A2M: variants seen among roughly 807,000 people sequenced by gnomAD.
The protein encoded by A2M is C3 and PZP-like alpha-2-macroglobulin domain-containing protein 5.
In A2M, 128 loss-of-function variants were observed where a neutral mutation model predicts 183.9. That is an observed-to-expected ratio of 0.70 (90% CI 0.60 to 0.81). A2M has a LOEUF of 0.81. Among genes scored for constraint, A2M ranks in the 30% least tolerant of loss-of-function variants. The pLI is 0.00. For synonymous variants in A2M, 592 were observed against 670.8 expected, an observed-to-expected ratio of 0.88 and a Z score of 1.81; for missense variants, 1,495 against 1,787.6, an observed-to-expected ratio of 0.84 and a Z score of 2.95.
In A2M at chr12:9,091,435, G is replaced by T; in HGVS notation, c.2241-6C>A. ...CCTCAGCCACACCTGCTGAGCTGGA[G>T]AGGAGTGTAAGTGAAGAACAGAAAG... On this transcript the variant is annotated splice_polypyrimidine_tract_variant and splice_region_variant and intron_variant, in intron 18 of 35. Coordinates refer to ENST00000318602, the MANE Select transcript of A2M (RefSeq NM_000014.6). 1 of 1,614,026 alleles carries T rather than the reference G, an allele frequency of 6.2e-7. No homozygotes were observed. The highest frequency in any genetic ancestry group is 8.5e-7 in the Non-Finnish European group (1 of 1,179,910).
Position 9,098,678 on chromosome 12 carries a change from C to T in A2M, c.1780G>A (p.Val594Ile), listed in dbSNP as rs373288303. The T allele has an allele frequency of 7.4e-6, 12 of 1,611,528 alleles. No homozygotes were observed. Among genetic ancestry groups the T allele is most frequent in the African/African-American group, 4.0e-5 (3 of 74,874 alleles). Reference sequence around the variant, plus strand: ...TGGTCCACAGCACGGAGGGCGCAGACGGACTGAGGAGCCGCTGTGACTCGC... The same window carrying T: ...TGGTCCACAGCACGGAGGGCGCAGATGGACTGAGGAGCCGCTGTGACTCGC... ...HLRVTAAPQS[V>I]CALRAVDQSV... Residue 594 changes from valine (V) to isoleucine (I), a missense_variant, in exon 15 of 36, where the codon GTC becomes ATC. Coordinates refer to ENST00000318602, the MANE Select transcript of A2M (RefSeq NM_000014.6).
intron 13 of A2M, 63 bp downstream of exon 13, chr12:9,101,081 C>A (rs970532433): frequency 1.4e-6 from 2 of 1,436,940 alleles, no homozygotes; most frequent in African/African-American, 2.8e-5. Flanking sequence ...TCTGATACTT[C>A]CGTGGTGTAA....
chr12:9,092,409 C>T (rs226409), intron 18 of A2M, among the ~76,000 whole-genome samples: 9,585 of 152,010 alleles, frequency 0.063, 1,004 homozygotes, highest in African/African-American at 0.22. Flanking sequence ...AGTGGCTACC[C>T]GCCCCCACCA....
chr12:9,089,210 A>G lies in A2M; in HGVS notation c.2760T>C (p.Leu920=). Residue 920 remains leucine (L), a synonymous_variant, in exon 22 of 36, where the codon CTT becomes CTC. Coordinates refer to ENST00000318602, the MANE Select transcript of A2M (RefSeq NM_000014.6). ...ATGGTTGACTCTTACCTGATGGACA[A>G]AGTAGGGAGTTGAATGTTGTTTCCT... is the stretch of plus-strand genomic sequence containing the variant. ...LEKETTFNSL[L]CPSGGEVSEE... is the part of the protein sequence containing the mutation. 1 of 1,588,980 alleles carries G rather than the reference A, an allele frequency of 6.3e-7. No homozygotes were observed. Among genetic ancestry groups the G allele is most frequent in the Non-Finnish European group, 8.6e-7 (1 of 1,165,504 alleles).
At chr12:9,093,249 T>G (rs113813656) in intron 18 of A2M, among the ~76,000 whole-genome samples, 1 of 151,942 alleles carries the variant, frequency 6.6e-6, no homozygotes, top group Non-Finnish European at 1.5e-5. Flanking sequence ...GTGCTTGCTA[T>G]GCACACAAAA....
intron 6 of A2M, among the ~76,000 whole-genome samples, 162 bp downstream of exon 6, chr12:9,109,705 A>C (rs1938578336): frequency 6.6e-6 from 1 of 152,186 alleles, no homozygotes; most frequent in African/African-American, 2.4e-5. Context: ...AGTCCTATTC[A>C]CAGATCACTG....
chr12:9,107,677 C>T lies in A2M; in HGVS notation c.759-33G>A. On this transcript the variant is annotated intron_variant, in intron 7 of 35. Coordinates refer to ENST00000318602, the MANE Select transcript of A2M (RefSeq NM_000014.6). ...GAGAACATTCCCAAAGGAATCAGAG[C>T]AGACACTGAACCTCCCCATTTTCTA... is the stretch of plus-strand genomic sequence containing the variant. 4 of 1,609,942 alleles carry T rather than the reference C, an allele frequency of 2.5e-6. No homozygotes were observed. The Admixed American group carries it at 6.7e-5, about 27-fold the overall frequency.
At position 9,113,492 on chromosome 12, in the gene A2M, C is replaced by T. The variant is rs1427144786; in HGVS notation, c.138G>A (p.Lys46=). The change falls in exon 2 of 36, where the codon AAG becomes AAA. Residue 46 remains lysine (K), a synonymous_variant. Transcript: ENST00000318602. ...PSLLHTETTE[K]GCVLLSYLNE... is the part of the protein sequence containing the mutation. ...TCAGGTAGCTCAGAAGGACACAGCC[C>T]TTCTCAGTGGTCTCAGTGTGGAGCA... The T allele has an allele frequency of 6.2e-7, 1 of 1,613,924 alleles. No homozygotes were observed. Among genetic ancestry groups the T allele is most frequent in the South Asian group, 1.1e-5 (1 of 91,046 alleles).
chr12:9,100,897 AG>A (rs1430358519), intron 13 of A2M, among the ~76,000 whole-genome samples: 1 of 152,104 alleles, frequency 6.6e-6, no homozygotes, highest in East Asian at 1.9e-4. Flanking sequence ...TTGTGGATTC[AG>A]GGGGAAGGGT....
Position 9,068,832 on chromosome 12 carries a change from T to A in A2M, c.4274A>T (p.Gln1425Leu). 6.3e-7 allele frequency: 1 copy of A among 1,595,414 alleles called. No individual in the cohort carries two copies. Among genetic ancestry groups the A allele is most frequent in the Non-Finnish European group, 8.5e-7 (1 of 1,171,950 alleles). ...AACCGTGAAGAACAAGCTCAGTGTC[T>A]GATTTGACACCTGGAAAGCAAAAGT... ...VLIYLDKVSN[Q>L]TLSLFFTVLQ... The change falls in exon 34 of 36, where the codon CAG becomes CTG. Residue 1425 changes from glutamine to leucine, a missense_variant. Transcript: ENST00000318602.
Position 9,101,661 on chromosome 12 carries a change from T to A in A2M, c.1280A>T (p.Asp427Val), listed in dbSNP as rs763714802. The change falls in exon 12 of 36, where the codon GAT (aspartate) becomes GTT (valine). Residue 427 changes from aspartate (D) to valine (V), a missense_variant. Asp to Val is a radical substitution (Grantham distance 152, BLOSUM62 -3). Transcript: ENST00000318602. ...CTGGTAGCCGTAACAGGGACTACGA[T>A]CCTTGTAATTGACCTAATGAATTAG... Reference protein sequence around the residue: ...TSLTVRVNYKDRSPCYGYQWV... With the variant: ...TSLTVRVNYKVRSPCYGYQWV... The A allele has an allele frequency of 4.2e-5, 68 of 1,612,688 alleles. 1 individual carries two copies. The East Asian group carries it at 9.6e-4, about 23-fold the overall frequency.
intron 19 of A2M, 70 bp downstream of exon 19, chr12:9,091,131 A>C: frequency 6.5e-7 from 1 of 1,527,364 alleles, no homozygotes; most frequent in East Asian, 2.3e-5. Context: ...AGTTTGCAGT[A>C]TTCCTAGGAA....
chr12:9,107,461 A>C (rs1938381941), intron 8 of A2M, 63 bp downstream of exon 8: 4 of 1,582,070 alleles, frequency 2.5e-6, no homozygotes, highest in Non-Finnish European at 3.5e-6. Context: ...AAAATGCTGC[A>C]ACTCACTGCT....
At chr12:9,087,390 T>C (rs1323341339) in intron 22 of A2M, among the ~76,000 whole-genome samples, 2 of 152,196 alleles carry the variant, frequency 1.3e-5, no homozygotes, top group African/African-American at 4.8e-5. Flanking sequence ...GATTATGTTA[T>C]GTGAAATAAG....
At chr12:9,079,145 T>C in intron 25 of A2M, 99 bp downstream of exon 25, 1 of 920,136 alleles carries the variant, frequency 1.1e-6, no homozygotes, top group South Asian at 1.7e-5. Context: ...ATCGGTCTGA[T>C]AATACATATC....
intron 14 of A2M, 48 bp from the exon 15 acceptor site, chr12:9,098,804 C>G: frequency 6.3e-7 from 1 of 1,595,118 alleles, no homozygotes; most frequent in Admixed American, 1.7e-5. Flanking sequence ...CCAGGTTTAC[C>G]CATGCATTCA....
chr12:9,071,138 A>C (rs1052719690), intron 31 of A2M, among the ~76,000 whole-genome samples: 1 of 152,142 alleles, frequency 6.6e-6, no homozygotes, highest in African/African-American at 2.4e-5. Flanking sequence ...GCATTTTAAG[A>C]AAGCTCTACA....
rs1949281525 is a variant in A2M at position 9,093,691 on chromosome 12, TAGAG to T, written c.2126-116_2126-113del. 1.3e-5 allele frequency: 8 copies of T among 608,020 alleles called. No individual in the cohort carries two copies. In the East Asian group the frequency reaches 2.2e-4, roughly 16 times the overall value. The allele number at this position is 608,020 out of a possible 1,614,324, so 37.7% of individuals were successfully genotyped here. A position where few individuals can be genotyped will look rare whatever the true frequency, so the allele number is the denominator to read the frequency against. On this transcript the variant is annotated intron_variant, in intron 17 of 35. Transcript: ENST00000318602. Reference sequence around the variant, plus strand: ...ACAAAAAACAAATCGTCTGATGAAATAGAGAGGAAGGAGGAGAGGGCGCTTGGGT... The same window carrying T: ...ACAAAAAACAAATCGTCTGATGAAATAGGAAGGAGGAGAGGGCGCTTGGGT...
At position 9,106,506 on chromosome 12, in the gene A2M, G is replaced by A; in HGVS notation, c.979C>T (p.Gln327Ter). 6.3e-7 allele frequency: 1 copy of A among 1,594,878 alleles called. No individual in the cohort carries two copies. The highest frequency in any genetic ancestry group is 8.6e-7 in the Non-Finnish European group (1 of 1,168,188). The change falls in exon 9 of 36, where the codon CAA becomes TAA. Residue 327 changes from glutamine (Q) to a stop codon, truncating the protein, a stop_gained. Coordinates refer to ENST00000318602, the MANE Select transcript of A2M (RefSeq NM_000014.6). LOFTEE classifies it high-confidence loss of function. ...EMKLHTEAQI[Q>*]EEGTVVELTG... The stretch of plus-strand genomic sequence containing the variant: ...GTACACAAACCTGTTCCTTCTTCTT[G>A]GATCTGGGCCTCAGTGTGAAGTTTC...
Sources: gnomAD v4.1 joint callset for allele counts (sites outside exome capture counted in the v4.1 genomes callset) on GRCh38, gnomAD v4.1.1 for gene constraint, MANE v1.5 for transcripts, NCBI Gene and HGNC (gene_info 2026-07-23, HGNC 2026-07-21) for gene names.